Variants in LRCH2 observed in about 807,000 individuals in gnomAD.
The protein encoded by LRCH2 is leucine rich repeats and calponin homology domain containing 2.
Under a neutral mutation model 68.9 loss-of-function variants are expected in LRCH2, and 38 were observed. That is an observed-to-expected ratio of 0.55 (90% CI 0.43 to 0.72). LRCH2 has a LOEUF of 0.72. Ranked by LOEUF, LRCH2 falls within the 30% of genes least tolerant of loss-of-function variation. LRCH2 has a pLI of 0.00. For missense variants in LRCH2, 528 were observed against 572.9 expected (o/e 0.92, Z 0.80); for synonymous variants, 191 against 208.1 (o/e 0.92, Z 0.71).
intron 1 of LRCH2, chrX:115,191,579 G>A (rs1556559642): frequency 9.2e-7 from 1 of 1,083,703 alleles, no homozygotes; most frequent in Non-Finnish European, 1.2e-6. Flanking sequence ...GAGTACCGAG[G>A]CCACTCGCTT....
intron 20 of LRCH2, among the ~76,000 whole-genome samples, chrX:115,117,371 G>A (rs1229534597): frequency 9.0e-6 from 1 of 111,695 alleles, no homozygotes; most frequent in Non-Finnish European, 1.9e-5. Context: ...AACCACTTTG[G>A]AAGAGTTATG....
intron 12 of LRCH2, among the ~76,000 whole-genome samples, chrX:115,153,300 G>T (rs1334980999): frequency 1.0e-4 from 11 of 108,628 alleles, no homozygotes; most frequent in Non-Finnish European, 2.1e-4. Context: ...CTCCAGCCTC[G>T]GTGACAGAGC....
intron 14 of LRCH2, among the ~76,000 whole-genome samples, chrX:115,135,733 A>G (rs1052211089): frequency 1.1e-4 from 12 of 111,649 alleles, no homozygotes; most frequent in Non-Finnish European, 2.1e-4. Flanking sequence ...TTGTGAAAGG[A>G]AAGTCCATTG....
At chrX:115,132,649 T>C (rs1290981635) in intron 14 of LRCH2, among the ~76,000 whole-genome samples, 1 of 111,986 alleles carries the variant, frequency 8.9e-6, no homozygotes, top group Non-Finnish European at 1.9e-5. Context: ...ATCACTAATC[T>C]AGCAGCATGT....
intron 1 of LRCH2, among the ~76,000 whole-genome samples, chrX:115,215,836 G>A (rs1556571412): frequency 1.8e-5 from 2 of 109,310 alleles, no homozygotes; most frequent in African/African-American, 3.3e-5. Flanking sequence ...CTATCACTTG[G>A]TGTTGGCAAG....
intron 1 of LRCH2, chrX:115,190,798 A>G (rs1556558173): frequency 8.6e-7 from 1 of 1,165,586 alleles, no homozygotes; most frequent in Admixed American, 2.6e-5. Flanking sequence ...CGACGCCTAC[A>G]GTGGGGGCCA....
At chrX:115,180,668 T>C (rs1207985114) in intron 3 of LRCH2, among the ~76,000 whole-genome samples, 3 of 111,726 alleles carry the variant, frequency 2.7e-5, no homozygotes, top group Non-Finnish European at 3.8e-5. Context: ...AGGAGAATAG[T>C]ACATACATTC....
chrX:115,162,496 G>A (rs1352788445), intron 11 of LRCH2, among the ~76,000 whole-genome samples: 2 of 111,881 alleles, frequency 1.8e-5, no homozygotes, highest in African/African-American at 6.5e-5. Flanking sequence ...AAAGCAGACC[G>A]AAAGTTACAG....
At chrX:115,121,744 A>C (rs1177089652) in intron 20 of LRCH2, among the ~76,000 whole-genome samples, 1 of 112,506 alleles carries the variant, frequency 8.9e-6, no homozygotes, top group East Asian at 2.8e-4. Context: ...CAAATTACCC[A>C]ACAATTCAGA....
chrX:115,150,001 T>G, intron 13 of LRCH2, 21 bp downstream of exon 13: 1 of 1,158,438 alleles, frequency 8.6e-7, no homozygotes, highest in Non-Finnish European at 1.2e-6. Flanking sequence ...TAGATATAAT[T>G]GTAATTTAAT....
intron 1 of LRCH2, among the ~76,000 whole-genome samples, chrX:115,229,890 A>G (rs959839362): frequency 1.8e-5 from 2 of 111,985 alleles, no homozygotes; most frequent in Non-Finnish European, 3.8e-5. Flanking sequence ...CTCCTGGTTT[A>G]CAGGAAAACA....
chrX:115,197,205 A>T (rs1227184586), intron 1 of LRCH2, among the ~76,000 whole-genome samples: 1 of 111,751 alleles, frequency 8.9e-6, no homozygotes, highest in East Asian at 2.8e-4. Context: ...ATGAGCAGAA[A>T]CCAACATAAA....
intron 6 of LRCH2, among the ~76,000 whole-genome samples, chrX:115,168,568 A>G (rs1282621421): frequency 8.9e-6 from 1 of 111,966 alleles, no homozygotes; most frequent in Non-Finnish European, 1.9e-5. Flanking sequence ...CAAAATGGGT[A>G]ACAAAAAATT....
chrX:115,125,378 G>A (rs1220446454), intron 16 of LRCH2, among the ~76,000 whole-genome samples: 1 of 91,982 alleles, frequency 1.1e-5, no homozygotes, highest in Admixed American at 1.3e-4. Flanking sequence ...CTGCACTCCA[G>A]CCTAGGCAAC....
In LRCH2 at chrX:115,170,358, T is replaced by C. The variant is rs931720837; in HGVS notation, c.939A>G (p.Pro313=). The C allele has an allele frequency of 5.9e-6, 7 of 1,181,710 alleles. No individual in the cohort carries two copies. Among genetic ancestry groups the C allele is most frequent in the Non-Finnish European group, 8.0e-6 (7 of 879,706 alleles). Residue 313 remains proline (P), a synonymous_variant, in exon 6 of 21, where the codon CCA becomes CCG. Transcript: ENST00000317135. ...TCAATGATGGAAGATCCAGGGAATC[T>C]GGTTTCTTATCCATTCTGCAACATG... The part of the protein sequence containing the change: ...IQACCRMDKK[P]DSLDLPSLSK...
chrX:115,141,001 GA>G (rs1360545527), intron 14 of LRCH2, among the ~76,000 whole-genome samples: 2 of 109,834 alleles, frequency 1.8e-5, no homozygotes, highest in African/African-American at 3.3e-5. Context: ...GGGAGGCCGA[GA>G]GGGGTGGATC....
chrX:115,229,447 T>C (rs782624434), intron 1 of LRCH2, among the ~76,000 whole-genome samples: 1 of 111,803 alleles, frequency 8.9e-6, no homozygotes, highest in South Asian at 3.7e-4. Context: ...ATGAAAGTAC[T>C]TAAAAATGTA....
chrX:115,228,121 G>T (rs1259391776), intron 1 of LRCH2, among the ~76,000 whole-genome samples: 1 of 112,034 alleles, frequency 8.9e-6, no homozygotes, highest in African/African-American at 3.2e-5. Context: ...ATTACAGTTT[G>T]ACCTTTAGCA....
intron 1 of LRCH2, 67 bp downstream of exon 1, chrX:115,233,626 C>G (rs1188202590): frequency 1.8e-5 from 19 of 1,032,848 alleles, no homozygotes; most frequent in Non-Finnish European, 1.8e-5. Context: ...AACAACGCAG[C>G]CACGCAGCCA....
Sources: gnomAD v4.1 joint callset for allele counts (sites outside exome capture counted in the v4.1 genomes callset) on GRCh38, gnomAD v4.1.1 for gene constraint, MANE v1.5 for transcripts, NCBI Gene and HGNC (gene_info 2026-07-23, HGNC 2026-07-21) for gene names.